The following FGD5 variants were observed in gnomAD, a reference collection of about 807,000 sequenced individuals.
FGD5 encodes the protein FYVE, RhoGEF and PH domain-containing protein 5.
A neutral mutation model predicts 133.4 loss-of-function variants in FGD5; 28 were observed. The ratio of observed to expected loss-of-function variants is 0.21; its 90% confidence interval spans 0.16 to 0.29. FGD5 has a LOEUF of 0.29. FGD5 is among the 10% of genes least tolerant of loss of function. The probability of loss-of-function intolerance (pLI) is 1.00; values close to 1 mark genes in which losing one functional copy is unlikely to be tolerated. For missense variants in FGD5, 1,858 were observed against 1,895.2 expected, an observed-to-expected ratio of 0.98 and a Z score of 0.36; for synonymous variants, 810 against 776.5, an observed-to-expected ratio of 1.04 and a Z score of -0.72.
At chr3:14,895,600 G>A (rs189166783) in intron 4 of FGD5, among the ~76,000 whole-genome samples, 20 of 152,152 alleles carry the variant, frequency 1.3e-4, no homozygotes, top group African/African-American at 4.6e-4. Flanking sequence ...ATGAGACAGG[G>A]TCTTGCTCTG....
At chr3:14,916,991 G>A (rs2038569117) in intron 11 of FGD5, among the ~76,000 whole-genome samples, 1 of 152,206 alleles carries the variant, frequency 6.6e-6, no homozygotes. Context: ...CTTTCTGGCT[G>A]TTACAAATAA....
At chr3:14,842,441 A>G (rs1401227824) in intron 1 of FGD5, among the ~76,000 whole-genome samples, 1 of 152,140 alleles carries the variant, frequency 6.6e-6, no homozygotes, top group African/African-American at 2.4e-5. Context: ...TCTCCTAGAC[A>G]GGGTTCCAGA....
intron 18 of FGD5, 167 bp from the exon 19 acceptor site, chr3:14,932,410 T>A: frequency 1.5e-6 from 1 of 685,368 alleles, no homozygotes; most frequent in Non-Finnish European, 2.4e-6. Context: ...TCCTCAGGGC[T>A]GGCTCTGGGG....
rs561930903 is a variant in FGD5, at chr3:14,840,472, C to G, written c.2525+18876C>G. ...CATTTATATTTCTATCTCCCTCCCC[C>G]CAACCCTCTACTTTTTCTAGACATA... On this transcript the variant is annotated intron_variant, in intron 1 of 19. Coordinates refer to ENST00000285046, the MANE Select transcript of FGD5 (RefSeq NM_152536.4). Among the ~76,000 whole-genome samples, 32 of 152,222 alleles carry G rather than the reference C, an allele frequency of 2.1e-4. No homozygotes were observed. In the East Asian group the frequency reaches 2.3e-3, roughly 11 times the overall value.
At position 14,820,619 on chromosome 3, in the gene FGD5, A is replaced by G; in HGVS notation, c.1548A>G (p.Ala516=). 4 of 1,605,732 alleles carry G rather than the reference A, an allele frequency of 2.5e-6. No individual in the cohort carries two copies. Among genetic ancestry groups the G allele is most frequent in the Non-Finnish European group, 3.4e-6 (4 of 1,176,238 alleles). ...CAGCCCCTGGCATTGGAGGTGCCGCAGAGGAGGTGGGAAAGACGCTTTTGT... is the reference window on the plus strand; with the variant it reads ...CAGCCCCTGGCATTGGAGGTGCCGCGGAGGAGGTGGGAAAGACGCTTTTGT... ...GSSAPGIGGA[A]EEVGKTLLSL... Residue 516 remains alanine (A), a synonymous_variant, in exon 1 of 20, where the codon GCA becomes GCG. Coordinates refer to ENST00000285046, the MANE Select transcript of FGD5 (RefSeq NM_152536.4).
rs1320831482 is a variant in FGD5 at position 14,843,705 on chromosome 3, G to GTTTTTT, written c.2526-20423_2526-20422insTTTTTT. ...AGGGTGCTTTTTTTTTTTTTTTTTG[G>GTTTTTT]GGGGAGACAGAGTCTCATTCTGTCG... is the stretch of plus-strand genomic sequence containing the variant. On this transcript the variant is annotated intron_variant, in intron 1 of 19. Coordinates refer to ENST00000285046, the MANE Select transcript of FGD5 (RefSeq NM_152536.4). Among the ~76,000 whole-genome samples, 60 of 110,396 alleles carry GTTTTTT rather than the reference G, an allele frequency of 5.4e-4. 6 individuals carry two copies. Among genetic ancestry groups the GTTTTTT allele is most frequent in the African/African-American group, 1.7e-3 (47 of 28,114 alleles). The allele number at this position is 110,396 out of a possible 152,430, so 72.4% of individuals were successfully genotyped here. A position where few individuals can be genotyped will look rare whatever the true frequency, so the allele number is the denominator to read the frequency against.
intron 4 of FGD5, chr3:14,897,072 G>A (rs1378569409): frequency 1.6e-5 from 3 of 187,248 alleles, no homozygotes; most frequent in South Asian, 1.2e-4. Context: ...TATACCATAG[G>A]GTGGATGCCT....
chr3:14,887,344 G>A (rs2037943812), intron 4 of FGD5, among the ~76,000 whole-genome samples: 1 of 152,032 alleles, frequency 6.6e-6, no homozygotes, highest in Admixed American at 6.6e-5. Flanking sequence ...TGATGGTGGA[G>A]CAAGTTCTCC....
intron 17 of FGD5, 30 bp from the exon 18 acceptor site, chr3:14,926,040 G>A: frequency 6.2e-7 from 1 of 1,611,824 alleles, no homozygotes; most frequent in Non-Finnish European, 8.5e-7. Flanking sequence ...CCACCGGGGT[G>A]GGCTGACCGC....
At position 14,928,699 on chromosome 3, in the gene FGD5, C is replaced by G. The variant is rs920269619; in HGVS notation, c.4197+2501C>G. Among the ~76,000 whole-genome samples, 5 of 152,110 alleles carry G rather than the reference C, an allele frequency of 3.3e-5. No individual in the cohort carries two copies. In the South Asian group the frequency reaches 1.0e-3, roughly 32 times the overall value. Reference sequence around the variant, plus strand: ...GGTAGAGGTTACAGTGGGCCAAGATCACACCATTGCACTCCAGCCTGGGCA... The same window carrying G: ...GGTAGAGGTTACAGTGGGCCAAGATGACACCATTGCACTCCAGCCTGGGCA... On this transcript the variant is annotated intron_variant, in intron 18 of 19. Transcript: ENST00000285046.
intron 1 of FGD5, among the ~76,000 whole-genome samples, chr3:14,823,899 A>G (rs923148211): frequency 1.3e-5 from 2 of 152,252 alleles, no homozygotes; most frequent in South Asian, 2.1e-4. Context: ...AGTTATGACA[A>G]TAGGGAATAA....
At chr3:14,897,270 C>G (rs2038155556) in intron 4 of FGD5, 1 of 524,722 alleles carries the variant, frequency 1.9e-6, no homozygotes, top group Non-Finnish European at 3.3e-6. Flanking sequence ...GAGCCCTGCT[C>G]TGTGCCAGGC....
intron 4 of FGD5, among the ~76,000 whole-genome samples, chr3:14,889,072 C>T (rs2037976419): frequency 6.6e-6 from 1 of 152,190 alleles, no homozygotes; most frequent in Admixed American, 6.5e-5. Flanking sequence ...TGCACCAGCT[C>T]CTGCAGGGAC....
intron 1 of FGD5, among the ~76,000 whole-genome samples, chr3:14,843,498 C>T (rs1173976072): frequency 3.3e-5 from 5 of 152,036 alleles, no homozygotes; most frequent in African/African-American, 7.2e-5. Flanking sequence ...CTGCGGCAGG[C>T]GTTGCTTGCA....
chr3:14,915,158 C>T (rs370341193), intron 11 of FGD5, among the ~76,000 whole-genome samples: 28 of 152,348 alleles, frequency 1.8e-4, no homozygotes, highest in African/African-American at 4.8e-4. Flanking sequence ...CCTACTCCAA[C>T]TCTACTGGGA....
At chr3:14,859,708 C>T (rs919645590) in intron 1 of FGD5, among the ~76,000 whole-genome samples, 2 of 152,198 alleles carry the variant, frequency 1.3e-5, no homozygotes, top group Admixed American at 6.5e-5. Flanking sequence ...ACCCATTCCT[C>T]ATGCCTGTTT....
At chr3:14,861,055 T>G (rs1024197985) in intron 1 of FGD5, among the ~76,000 whole-genome samples, 1 of 152,112 alleles carries the variant, frequency 6.6e-6, no homozygotes, top group Non-Finnish European at 1.5e-5. Context: ...TCACTTAGGA[T>G]GATGAGGCCA....
At chr3:14,923,247 T>G (rs2038723578) in intron 16 of FGD5, 72 bp downstream of exon 16, 5 of 1,540,106 alleles carry the variant, frequency 3.2e-6, no homozygotes, top group Non-Finnish European at 4.4e-6. Flanking sequence ...GGCTTCTCTG[T>G]GGTCCATGGT....
chr3:14,877,924 C>T (rs900523693), intron 2 of FGD5, among the ~76,000 whole-genome samples: 6 of 152,160 alleles, frequency 3.9e-5, no homozygotes, highest in African/African-American at 4.8e-5. Flanking sequence ...ATTAGTTATC[C>T]TGTAATACGT....
Sources: allele counts gnomAD v4.1 joint callset (sites outside exome capture counted in the v4.1 genomes callset), GRCh38; gene constraint gnomAD v4.1.1; transcripts MANE v1.5; gene names NCBI Gene and HGNC (gene_info 2026-07-23, HGNC 2026-07-21).